The following VPS53 variants were observed in gnomAD, a reference collection of about 807,000 sequenced individuals.
VPS53 encodes VPS53 subunit of GARP complex.
Under a neutral mutation model 107.0 loss-of-function variants are expected in VPS53, and 70 were observed. That is an observed-to-expected ratio of 0.65 (90% CI 0.54 to 0.80). VPS53 has a LOEUF of 0.80. VPS53 is among the 30% of genes least tolerant of loss of function. VPS53 has a pLI of 0.00. For synonymous variants in VPS53, 409 were observed against 393.3 expected, an observed-to-expected ratio of 1.04 and a Z score of -0.47; for missense variants, 917 against 1,049.4, an observed-to-expected ratio of 0.87 and a Z score of 1.74.
chr17:712,380 C>T (rs1228035794), intron 1 of VPS53, among the ~76,000 whole-genome samples: 2 of 151,342 alleles, frequency 1.3e-5, no homozygotes, highest in Non-Finnish European at 2.9e-5. Flanking sequence ...GGGGTTTCAC[C>T]ATGTTGGCCA....
At chr17:685,755 C>T (rs1972563132) in intron 4 of VPS53, among the ~76,000 whole-genome samples, 1 of 152,072 alleles carries the variant, frequency 6.6e-6, no homozygotes, top group Non-Finnish European at 1.5e-5. Flanking sequence ...ATTCCAGCCA[C>T]TCAGGAGGCT....
intron 7 of VPS53, among the ~76,000 whole-genome samples, chr17:642,272 C>G (rs988185166): frequency 2.0e-4 from 31 of 152,314 alleles, no homozygotes; most frequent in African/African-American, 7.0e-4. Flanking sequence ...TCTGAGATCA[C>G]CAAGGACAAC....
rs1419417390 is a variant in VPS53, at chr17:596,843, C to T, written c.1218+4952G>A. 3.3e-5 allele frequency among the ~76,000 whole-genome samples: 5 copies of T among 152,292 alleles called. No individual in the cohort carries two copies. In the East Asian group the frequency reaches 9.6e-4, roughly 29 times the overall value. On this transcript the variant is annotated intron_variant, in intron 12 of 21. Transcript: ENST00000437048. ...GGGCCGGGTTCTGAGTGTGTGAATT[C>T]TGTCCAAAAGCTGAAGATGTTTAAG...
intron 11 of VPS53, among the ~76,000 whole-genome samples, chr17:606,916 C>A (rs1390248648): frequency 1.4e-5 from 2 of 140,630 alleles, no homozygotes; most frequent in African/African-American, 5.2e-5. Context: ...CAAAACCAGT[C>A]CCTGGTGCCA....
At chr17:623,191 A>G (rs1969545698) in intron 11 of VPS53, among the ~76,000 whole-genome samples, 1 of 152,152 alleles carries the variant, frequency 6.6e-6, no homozygotes, top group African/African-American at 2.4e-5. Flanking sequence ...TAAAGTAAAA[A>G]CATATCCTAA....
At chr17:662,041 T>C in intron 4 of VPS53, 146 bp from the exon 5 acceptor site, 1 of 688,972 alleles carries the variant, frequency 1.5e-6, no homozygotes, top group Non-Finnish European at 2.4e-6. Flanking sequence ...TGGACCAAAA[T>C]AGTAGAGACC....
At chr17:570,480 T>C (rs1597318130) in intron 13 of VPS53, among the ~76,000 whole-genome samples, 1 of 150,558 alleles carries the variant, frequency 6.6e-6, no homozygotes, top group East Asian at 2.0e-4. Flanking sequence ...CACTTCTGCA[T>C]AAATCATAAA....
chr17:606,605 A>G (rs11654401), intron 11 of VPS53, among the ~76,000 whole-genome samples: 150,781 of 152,194 alleles, frequency 0.99, 74,710 homozygotes, highest in East Asian at 1. Flanking sequence ...GGAGCCATAC[A>G]ATAGAGTAGG....
chr17:632,818 T>C (rs1056069553), intron 7 of VPS53: 5 of 455,872 alleles, frequency 1.1e-5, no homozygotes, highest in Non-Finnish European at 1.3e-5. Context: ...GTTCAATCCA[T>C]GCAGCTGCAG....
chr17:583,235 G>C (rs1026786883), intron 13 of VPS53, among the ~76,000 whole-genome samples: 1 of 149,008 alleles, frequency 6.7e-6, no homozygotes, highest in East Asian at 2.0e-4. Flanking sequence ...AGTTCCCAGA[G>C]AACCTCCTTC....
intron 10 of VPS53, among the ~76,000 whole-genome samples, chr17:625,819 A>T (rs1256610414): frequency 6.6e-6 from 1 of 152,244 alleles, no homozygotes; most frequent in Non-Finnish European, 1.5e-5. Flanking sequence ...TGATTTTAAT[A>T]AAAAAGACGG....
intron 4 of VPS53, among the ~76,000 whole-genome samples, chr17:663,653 C>T (rs767644533): frequency 2.0e-5 from 3 of 152,220 alleles, no homozygotes; most frequent in Non-Finnish European, 2.9e-5. Flanking sequence ...TGTGTATAGA[C>T]CACATGCACT....
chr17:528,073 T>A (rs1406422693), intron 19 of VPS53, among the ~76,000 whole-genome samples: 3 of 152,228 alleles, frequency 2.0e-5, no homozygotes, highest in Admixed American at 6.5e-5. Flanking sequence ...CCATAATCCA[T>A]CTGGGATTAA....
chr17:598,775 G>A (rs1243205177), intron 12 of VPS53, among the ~76,000 whole-genome samples: 124 of 126,212 alleles, frequency 9.8e-4, no homozygotes, highest in African/African-American at 3.3e-3. Flanking sequence ...CAGCCGCCCC[G>A]TCTGAGAAGT....
At chr17:589,396 G>A (rs1967513602) in intron 12 of VPS53, among the ~76,000 whole-genome samples, 1 of 151,616 alleles carries the variant, frequency 6.6e-6, no homozygotes. Flanking sequence ...TTTGATCTAT[G>A]GTAATAGAAT....
At chr17:623,707 C>T in intron 10 of VPS53, 33 bp from the exon 11 acceptor site, 1 of 1,583,568 alleles carries the variant, frequency 6.3e-7, no homozygotes, top group Non-Finnish European at 8.6e-7. Flanking sequence ...TACTATCAAA[C>T]AAGCTGATCA....
At chr17:631,778 A>AGTGACAGGTTGATGAGCAG in intron 7 of VPS53, 150 bp from the exon 8 acceptor site, 1 of 629,096 alleles carries the variant, frequency 1.6e-6, no homozygotes, top group South Asian at 1.9e-5. Context: ...ATACTAGTTA[A>AGTGACAGGTTGATGAGCAG]GTGACAGGTT....
intron 15 of VPS53, among the ~76,000 whole-genome samples, chr17:555,694 G>T (rs1337401700): frequency 6.6e-6 from 1 of 152,146 alleles, no homozygotes; most frequent in East Asian, 1.9e-4. Context: ...AGCATCAGAG[G>T]CTGCTGACAT....
chr17:592,484 C>A (rs1448907066), intron 12 of VPS53, among the ~76,000 whole-genome samples: 1 of 152,118 alleles, frequency 6.6e-6, no homozygotes, highest in Non-Finnish European at 1.5e-5. Context: ...TCTTCGTAGT[C>A]TTGATGGTCT....
Sources: gnomAD v4.1 joint callset for allele counts (sites outside exome capture counted in the v4.1 genomes callset) on GRCh38, gnomAD v4.1.1 for gene constraint, MANE v1.5 for transcripts, NCBI Gene and HGNC (gene_info 2026-07-23, HGNC 2026-07-21) for gene names.